The following SEPSECS variants were observed in gnomAD, a reference collection of about 807,000 sequenced individuals.
SEPSECS encodes O-phosphoseryl-tRNA(Sec) selenium transferase.
A neutral mutation model predicts 52.1 loss-of-function variants in SEPSECS; 42 were observed. The observed-to-expected ratio is 0.81, with a 90% CI of 0.63 to 1.04. The LOEUF (loss-of-function observed/expected upper bound fraction) is 1.04. SEPSECS is among the 50% of genes least tolerant of loss of function. The pLI is 0.00. For synonymous variants in SEPSECS, 216 were observed against 211.4 expected, an observed-to-expected ratio of 1.02 and a Z score of -0.19; for missense variants, 590 against 610.6, an observed-to-expected ratio of 0.97 and a Z score of 0.36.
At chr4:25,130,854 C>A (rs948123757) in intron 8 of SEPSECS, among the ~76,000 whole-genome samples, 1 of 152,074 alleles carries the variant, frequency 6.6e-6, no homozygotes, top group African/African-American at 2.4e-5. Flanking sequence ...TTTTTTGCTA[C>A]AGTTAAATCT....
rs567534618 is a variant in SEPSECS at position 25,160,339 on chromosome 4, G to T, written c.31C>A (p.Arg11=). Residue 11 remains arginine (R), a synonymous_variant, in exon 1 of 11, where the codon CGG becomes AGG. Transcript: ENST00000382103. ...CGCACGTAAGCCGGCGACACCAGCC[G>T]CTCTCCCGCCGCGAAGCTCTCGCGG... The part of the protein sequence containing the change: MNRESFAAGE[R]LVSPAYVRQG... 1 of 1,548,520 alleles carries T rather than the reference G, an allele frequency of 6.5e-7. No homozygotes were observed. Among genetic ancestry groups the T allele is most frequent in the Admixed American group, 2.0e-5 (1 of 50,948 alleles).
At chr4:25,133,822 T>TA (rs547813262) in intron 8 of SEPSECS, among the ~76,000 whole-genome samples, 39 of 145,990 alleles carry the variant, frequency 2.7e-4, no homozygotes, top group South Asian at 1.5e-3. Flanking sequence ...ATTATTCCCT[T>TA]AAAAAAAAAA....
intron 10 of SEPSECS, among the ~76,000 whole-genome samples, chr4:25,124,549 A>T (rs1305241488): frequency 6.6e-6 from 1 of 152,068 alleles, no homozygotes; most frequent in Non-Finnish European, 1.5e-5. Context: ...AATCTTAAAC[A>T]CCTCTACATC....
chr4:25,138,774 G>A (rs1473590468), intron 8 of SEPSECS, among the ~76,000 whole-genome samples: 2 of 151,978 alleles, frequency 1.3e-5, no homozygotes, highest in Non-Finnish European at 2.9e-5. Context: ...CCAAAACAAG[G>A]GCTATCAAAC....
intron 8 of SEPSECS, among the ~76,000 whole-genome samples, chr4:25,144,192 T>C (rs1028206332): frequency 1.3e-5 from 2 of 151,378 alleles, no homozygotes; most frequent in Non-Finnish European, 2.9e-5. Context: ...TACAAAAAAT[T>C]AGTCGGGTGT....
At chr4:25,127,715 C>T (rs1560321699) in intron 8 of SEPSECS, among the ~76,000 whole-genome samples, 1 of 152,178 alleles carries the variant, frequency 6.6e-6, no homozygotes, top group South Asian at 2.1e-4. Flanking sequence ...TGTTCTCCAC[C>T]CTTCTGTAAT....
At chr4:25,126,323 T>A in intron 9 of SEPSECS, among the ~76,000 whole-genome samples, 1 of 151,454 alleles carries the variant, frequency 6.6e-6, no homozygotes, top group Admixed American at 6.6e-5. Flanking sequence ...GAAAAGGAGG[T>A]CAGAGGCTAG....
chr4:25,128,501 C>T (rs1238482266), intron 8 of SEPSECS, among the ~76,000 whole-genome samples: 1 of 151,938 alleles, frequency 6.6e-6, no homozygotes, highest in Non-Finnish European at 1.5e-5. Context: ...AATTGTCCCA[C>T]TCTGAAAAAT....
chr4:25,130,411 A>G (rs950434793), intron 8 of SEPSECS, among the ~76,000 whole-genome samples: 1 of 152,210 alleles, frequency 6.6e-6, no homozygotes, highest in Admixed American at 6.5e-5. Flanking sequence ...TACTTTAACA[A>G]ATTAGTTTTT....
chr4:25,139,142 T>C lies in SEPSECS; in HGVS notation c.1026+5632A>G, dbSNP rs1028911265. On this transcript the variant is annotated intron_variant, in intron 8 of 10. Transcript: ENST00000382103. ...ATGCTCTCACACACTCTTGCGTTCC[T>C]TTCATAATTCTCATCAGATTTGTAA... Among the ~76,000 whole-genome samples the C allele has an allele frequency of 2.6e-5, 4 of 152,314 alleles. No homozygotes were observed. The Middle Eastern group carries it at 0.01, about 389-fold the overall frequency.
chr4:25,127,502 C>T, intron 8 of SEPSECS, 145 bp from the exon 9 acceptor site: 1 of 650,334 alleles, frequency 1.5e-6, no homozygotes, highest in Non-Finnish European at 2.7e-6. Flanking sequence ...TGCCACAATA[C>T]AGTGAAATTC....
Position 25,124,026 on chromosome 4 carries a change from C to A in SEPSECS, c.1411G>T (p.Asp471Tyr), listed in dbSNP as rs1249810232. 1 of 1,613,544 alleles carries A rather than the reference C, an allele frequency of 6.2e-7. No individual in the cohort carries two copies. The highest frequency in any genetic ancestry group is 1.3e-5 in the African/African-American group (1 of 74,896). The part of the protein sequence containing the change: ...VRKERSKESD[D>Y]NYDKTEDVDI... ...ACATCTTCAGTTTTGTCATAATTGT[C>A]ATCACTCTCTTTACTTCGTTCTTTT... is the stretch of plus-strand genomic sequence containing the variant. The change falls in exon 11 of 11, where the codon GAC becomes TAC. Residue 471 changes from aspartate to tyrosine, a missense_variant. Coordinates refer to ENST00000382103, the MANE Select transcript of SEPSECS (RefSeq NM_016955.4).
At chr4:25,158,056 T>C (rs1363212622) in intron 2 of SEPSECS, among the ~76,000 whole-genome samples, 2 of 152,222 alleles carry the variant, frequency 1.3e-5, no homozygotes, top group African/African-American at 2.4e-5. Context: ...GAGTAATTTC[T>C]AATTGACAGT....
chr4:25,142,289 T>C (rs1166484200), intron 8 of SEPSECS, among the ~76,000 whole-genome samples: 2 of 151,244 alleles, frequency 1.3e-5, no homozygotes, highest in Admixed American at 6.6e-5. Context: ...AAAAAAAAAG[T>C]CACCATCTCA....
chr4:25,156,586 T>C lies in SEPSECS; in HGVS notation c.388+270A>G, dbSNP rs1712659666. On this transcript the variant is annotated intron_variant, in intron 3 of 10. Transcript: ENST00000382103. ...AGCCAGGCGTGGCGGTGGGCACCTG[T>C]AGTCCCAGCTGCTCGGGAGGCTGAG... 2.6e-5 allele frequency among the ~76,000 whole-genome samples: 4 copies of C among 151,086 alleles called. No homozygotes were observed. The South Asian group carries it at 8.4e-4, about 32-fold the overall frequency.
At chr4:25,128,318 T>C (rs1162357808) in intron 8 of SEPSECS, among the ~76,000 whole-genome samples, 3 of 152,150 alleles carry the variant, frequency 2.0e-5, no homozygotes, top group Non-Finnish European at 4.4e-5. Flanking sequence ...ATGTATTTCC[T>C]TTAAATCACA....
At chr4:25,131,542 C>T (rs1347418809) in intron 8 of SEPSECS, among the ~76,000 whole-genome samples, 2 of 152,148 alleles carry the variant, frequency 1.3e-5, no homozygotes, top group Non-Finnish European at 2.9e-5. Context: ...GAGCAAGTGG[C>T]GAATCTTGCC....
In SEPSECS at chr4:25,157,930, G is replaced by C. The variant is rs549226624; in HGVS notation, c.270-956C>G. ...TTCAAATATTGCCTTAATTTTAAAA[G>C]AACTATATGCTCCTAGAAAATCAGT... On this transcript the variant is annotated intron_variant, in intron 2 of 10. Coordinates refer to ENST00000382103, the MANE Select transcript of SEPSECS (RefSeq NM_016955.4). Among the ~76,000 whole-genome samples the C allele has an allele frequency of 7.9e-4, 120 of 152,130 alleles. 1 individual carries two copies. Among genetic ancestry groups the C allele is most frequent in the African/African-American group, 2.7e-3 (110 of 41,466 alleles).
intron 8 of SEPSECS, among the ~76,000 whole-genome samples, chr4:25,133,377 G>A (rs146399333): frequency 2.0e-4 from 31 of 152,294 alleles, no homozygotes; most frequent in African/African-American, 6.5e-4. Flanking sequence ...CCCATAAAGT[G>A]TTTACCCAGT....
Sources: gnomAD v4.1 joint callset for allele counts (sites outside exome capture counted in the v4.1 genomes callset) on GRCh38, gnomAD v4.1.1 for gene constraint, MANE v1.5 for transcripts, NCBI Gene and HGNC (gene_info 2026-07-23, HGNC 2026-07-21) for gene names.